The following MEIS2 variants were observed in gnomAD, a reference collection of about 807,000 sequenced individuals.
MEIS2 encodes homeobox protein Meis2.
Under a neutral mutation model 58.6 loss-of-function variants are expected in MEIS2, and 9 were observed. The ratio of observed to expected loss-of-function variants is 0.15; its 90% CI spans 0.09 to 0.27. The LOEUF (loss-of-function observed/expected upper bound fraction) is 0.27. Ranked by LOEUF, MEIS2 falls within the 10% of genes least tolerant of loss-of-function variation. The probability of loss-of-function intolerance (pLI) is 1.00; values close to 1 mark genes in which losing one functional copy is unlikely to be tolerated. For missense variants in MEIS2, 427 were observed against 635.0 expected (o/e 0.67, Z 3.52); for synonymous variants, 221 against 228.4 (o/e 0.97, Z 0.29).
At chr15:37,008,891 A>G (rs1055867450) in intron 8 of MEIS2, among the ~76,000 whole-genome samples, 1 of 152,126 alleles carries the variant, frequency 6.6e-6, no homozygotes, top group Non-Finnish European at 1.5e-5. Flanking sequence ...GCAGAATGGA[A>G]CCCTAAACCA....
intron 11 of MEIS2, chr15:36,894,339 C>CTT: frequency 2.6e-5 from 4 of 155,088 alleles, no homozygotes; most frequent in Non-Finnish European, 5.6e-5. Flanking sequence ...TCTACTTTTC[C>CTT]TTTTTTTTTT....
intron 2 of MEIS2, 33 bp from the exon 3 acceptor site, chr15:37,096,463 C>A (rs916402692): frequency 1.2e-6 from 2 of 1,603,622 alleles, no homozygotes; most frequent in Admixed American, 3.4e-5. Context: ...GACACACACA[C>A]AGAGACGGGG....
chr15:37,052,760 G>A (rs1005751076), intron 7 of MEIS2, among the ~76,000 whole-genome samples: 9 of 152,212 alleles, frequency 5.9e-5, no homozygotes, highest in East Asian at 1.9e-4. Context: ...TAGAGTCACC[G>A]CTGGTTGAAA....
Position 36,889,933 on chromosome 15 carries a change from T to C in MEIS2, c.*2240A>G, listed in dbSNP as rs1197801665. The C allele has an allele frequency of 6.6e-6, 1 of 152,228 alleles. No individual in the cohort carries two copies. The highest frequency in any genetic ancestry group is 1.5e-5 in the Non-Finnish European group (1 of 68,026). 9.4% of individuals were successfully genotyped at this position (152,228 alleles called of 1,614,324 possible). A position where few individuals can be genotyped will look rare whatever the true frequency, so the allele number is the denominator to read the frequency against. On this transcript the variant is annotated 3_prime_UTR_variant, in exon 12 of 12. Coordinates refer to ENST00000561208, the MANE Select transcript of MEIS2 (RefSeq NM_170675.5). ...GTGTCAGAAGCATTATTTCTATGTT[T>C]AAACAGCAACACAACACTTAAACTG...
intron 8 of MEIS2, among the ~76,000 whole-genome samples, chr15:36,976,260 A>AT (rs2059751022): frequency 6.6e-6 from 1 of 151,558 alleles, no homozygotes; most frequent in Admixed American, 6.6e-5. Context: ...AATTTTTTGT[A>AT]TTTTTAGTAG....
chr15:36,982,526 G>A (rs1324130770), intron 8 of MEIS2, among the ~76,000 whole-genome samples: 2 of 152,010 alleles, frequency 1.3e-5, no homozygotes, highest in South Asian at 2.1e-4. Context: ...AAGTTTGTAT[G>A]TACAATCATT....
At chr15:36,906,443 A>C (rs546933912) in intron 9 of MEIS2, among the ~76,000 whole-genome samples, 1 of 152,228 alleles carries the variant, frequency 6.6e-6, no homozygotes, top group African/African-American at 2.4e-5. Flanking sequence ...AACTTAGATG[A>C]AAAAGGAGAG....
At chr15:37,070,610 CTGTT>C (rs1203054211) in intron 7 of MEIS2, among the ~76,000 whole-genome samples, 1 of 151,998 alleles carries the variant, frequency 6.6e-6, no homozygotes, top group Non-Finnish European at 1.5e-5. Flanking sequence ...TTTTTTGTTT[CTGTT>C]TGTTTGTTCA....
At chr15:37,021,965 A>C (rs2061539981) in intron 8 of MEIS2, among the ~76,000 whole-genome samples, 1 of 152,164 alleles carries the variant, frequency 6.6e-6, no homozygotes, top group Non-Finnish European at 1.5e-5. Context: ...TATAATTTTT[A>C]ATGGTTACAC....
intron 8 of MEIS2, among the ~76,000 whole-genome samples, chr15:36,976,606 C>G (rs2059768843): frequency 6.6e-6 from 1 of 151,582 alleles, no homozygotes; most frequent in Non-Finnish European, 1.5e-5. Context: ...GGTGCTATAT[C>G]TCTGTGCCTA....
chr15:36,891,661 G>C lies in MEIS2; in HGVS notation c.*512C>G, dbSNP rs916776562. On this transcript the variant is annotated 3_prime_UTR_variant, in exon 12 of 12. Coordinates refer to ENST00000561208, the MANE Select transcript of MEIS2 (RefSeq NM_170675.5). ...AAACACATTCTTGAAGCTGGAGTTC[G>C]AGTGATGAGGTTCAGCCAAAAGTTC... 9 of 155,608 alleles carry C rather than the reference G, an allele frequency of 5.8e-5. No individual in the cohort carries two copies. The highest frequency in any genetic ancestry group is 1.9e-4 in the African/African-American group (8 of 41,462). The allele number at this position is 155,608 out of a possible 1,614,324, so 9.6% of individuals were successfully genotyped here. A position where few individuals can be genotyped will look rare whatever the true frequency, so the allele number is the denominator to read the frequency against.
At chr15:36,928,748 A>T (rs1024358457) in intron 9 of MEIS2, among the ~76,000 whole-genome samples, 2 of 152,176 alleles carry the variant, frequency 1.3e-5, no homozygotes, top group African/African-American at 4.8e-5. Context: ...TTTTTAAAGA[A>T]TGGTATGATT....
intron 8 of MEIS2, among the ~76,000 whole-genome samples, chr15:36,982,991 G>A (rs190195256): frequency 3.9e-5 from 6 of 152,110 alleles, no homozygotes; most frequent in Admixed American, 3.9e-4. Flanking sequence ...TTTTTCTATT[G>A]GGTTATGTGT....
At chr15:37,017,250 C>G (rs1209032592) in intron 8 of MEIS2, among the ~76,000 whole-genome samples, 3 of 152,022 alleles carry the variant, frequency 2.0e-5, no homozygotes, top group African/African-American at 7.3e-5. Flanking sequence ...ACCAGAAAGT[C>G]AAAGAGAACA....
Position 36,970,174 on chromosome 15 carries a change from C to G in MEIS2, c.901-19774G>C, listed in dbSNP as rs188017067. Among the ~76,000 whole-genome samples, 7 of 152,142 alleles carry G rather than the reference C, an allele frequency of 4.6e-5. No homozygotes were observed. In the East Asian group the frequency reaches 1.4e-3, roughly 29 times the overall value. The stretch of plus-strand genomic sequence containing the variant: ...ATCCCAGCACTTTGGGAGGCCAAGG[C>G]GGGAGGATCATGAGGTCAGGAGATC... On this transcript the variant is annotated intron_variant, in intron 8 of 11. Transcript: ENST00000561208.
chr15:37,068,842 G>A (rs540701381), intron 7 of MEIS2, among the ~76,000 whole-genome samples: 3 of 152,222 alleles, frequency 2.0e-5, no homozygotes, highest in South Asian at 2.1e-4. Flanking sequence ...GTAGGAAGAC[G>A]TCCATGAACT....
At chr15:36,946,600 G>A (rs1209874777) in intron 9 of MEIS2, among the ~76,000 whole-genome samples, 1 of 151,882 alleles carries the variant, frequency 6.6e-6, no homozygotes, top group East Asian at 1.9e-4. Flanking sequence ...TTATATCATT[G>A]TATGAAATCA....
rs148022029 is a variant in MEIS2 at position 36,967,182 on chromosome 15, C to T, written c.901-16782G>A. 5.3e-3 allele frequency among the ~76,000 whole-genome samples: 800 copies of T among 152,262 alleles called. 4 individuals are homozygous for T. Among genetic ancestry groups the T allele is most frequent in the African/African-American group, 0.019 (777 of 41,546 alleles). ...CATCAATCCTGTCATCCTCACATAG[C>T]GATATCCTAACACATTTTAAACGCT... is the stretch of plus-strand genomic sequence containing the variant. On this transcript the variant is annotated intron_variant, in intron 8 of 11. Coordinates refer to ENST00000561208, the MANE Select transcript of MEIS2 (RefSeq NM_170675.5).
intron 8 of MEIS2, among the ~76,000 whole-genome samples, chr15:36,968,318 A>G (rs1023981323): frequency 3.9e-5 from 6 of 152,202 alleles, no homozygotes; most frequent in African/African-American, 1.4e-4. Context: ...AGGAAGAATC[A>G]GCTCTATTGA....
Sources: gnomAD v4.1 joint callset for allele counts (sites outside exome capture counted in the v4.1 genomes callset) on GRCh38, gnomAD v4.1.1 for gene constraint, MANE v1.5 for transcripts, NCBI Gene and HGNC (gene_info 2026-07-23, HGNC 2026-07-21) for gene names.